FAT4: variants seen among roughly 807,000 people sequenced by gnomAD.
FAT4 encodes the protein protocadherin Fat 4.
Under a neutral mutation model 303.9 loss-of-function variants are expected in FAT4, and 84 were observed. The observed-to-expected ratio is 0.28, with a 90% CI of 0.23 to 0.33. FAT4 has a LOEUF of 0.33. FAT4 is among the 10% of genes least tolerant of loss of function. FAT4 has a pLI of 1.00. For missense variants in FAT4, 6,005 were observed against 6,146.8 expected (o/e 0.98, Z 0.77); for synonymous variants, 2,307 against 2,298.8 (o/e 1.00, Z -0.10).
chr4:125,481,828 C>T, intron 16 of FAT4, 90 bp downstream of exon 16: 2 of 1,131,778 alleles, frequency 1.8e-6, no homozygotes, highest in Non-Finnish European at 2.6e-6. Context: ...CTGTCCTTTT[C>T]TTTACAACCC....
At chr4:125,324,484 C>A (rs1731078668) in intron 2 of FAT4, among the ~76,000 whole-genome samples, 1 of 152,018 alleles carries the variant, frequency 6.6e-6, no homozygotes, top group African/African-American at 2.4e-5. Context: ...AATAAATCAC[C>A]AGAGAAAAGC....
At chr4:125,483,302 A>AAAT (rs1727292351) in intron 16 of FAT4, among the ~76,000 whole-genome samples, 1 of 152,198 alleles carries the variant, frequency 6.6e-6, no homozygotes. Context: ...GCAAAAAAAG[A>AAAT]AATAGATCCT....
chr4:125,362,062 T>G (rs1342309397), intron 2 of FAT4, among the ~76,000 whole-genome samples: 5 of 152,172 alleles, frequency 3.3e-5, no homozygotes, highest in African/African-American at 9.7e-5. Flanking sequence ...TATACTCAAT[T>G]GCCATTTCAG....
Position 125,452,421 on chromosome 4 carries a change from A to C in FAT4, c.11411A>C (p.Asp3804Ala). The C allele has an allele frequency of 6.2e-7, 1 of 1,614,132 alleles. No homozygotes were observed. The highest frequency in any genetic ancestry group is 8.5e-7 in the Non-Finnish European group (1 of 1,180,032). ...RQSGVKVESV[D>A]HDSCVHGPCQ... is the part of the protein sequence containing the mutation. ...AGTGGAGTAAAGGTGGAATCTGTGGATCATGACTCCTGTGTGCATGGCCCA... is the reference window on the plus strand; with the variant it reads ...AGTGGAGTAAAGGTGGAATCTGTGGCTCATGACTCCTGTGTGCATGGCCCA... Residue 3804 changes from aspartate to alanine, a missense_variant, in exon 10 of 18, where the codon GAT (aspartate) becomes GCT (alanine). Coordinates refer to ENST00000394329, the MANE Select transcript of FAT4 (RefSeq NM_001291303.3).
intron 7 of FAT4, among the ~76,000 whole-genome samples, chr4:125,432,464 T>C (rs1176347879): frequency 1.3e-5 from 2 of 152,230 alleles, no homozygotes; most frequent in Non-Finnish European, 2.9e-5. Flanking sequence ...CTGTTATTGA[T>C]ATTTCTTTCA....
intron 2 of FAT4, among the ~76,000 whole-genome samples, chr4:125,358,395 A>G (rs1405666259): frequency 6.6e-6 from 1 of 152,052 alleles, no homozygotes; most frequent in East Asian, 1.9e-4. Context: ...AAATAGTTAT[A>G]CAACTCATCA....
At chr4:125,489,510 T>C (rs1727529562) in intron 17 of FAT4, among the ~76,000 whole-genome samples, 1 of 152,232 alleles carries the variant, frequency 6.6e-6, no homozygotes, top group African/African-American at 2.4e-5. Context: ...TATTTCATGT[T>C]CTTTACAAAT....
rs777464644 is a variant in FAT4 at position 125,448,594 on chromosome 4, A to G, written c.7584A>G (p.Gly2528=). 4 of 1,614,034 alleles carry G rather than the reference A, an allele frequency of 2.5e-6. No homozygotes were observed. The highest frequency in any genetic ancestry group is 3.4e-6 in the Non-Finnish European group (4 of 1,179,930). ...TGAGGGGAGCCATTATGGCCGCCGG[A>G]CCACTAAACGGAGCTTCAGAAGTGA... is the stretch of plus-strand genomic sequence containing the variant. The part of the protein sequence containing the change: ...DPLRGAIMAA[G]PLNGASEVTF... Residue 2528 remains glycine, a synonymous_variant, in exon 10 of 18, where the codon GGA becomes GGG. Coordinates refer to ENST00000394329, the MANE Select transcript of FAT4 (RefSeq NM_001291303.3).
At position 125,365,595 on chromosome 4, in the gene FAT4, G is replaced by T. The variant is rs533099018; in HGVS notation, c.5176-33189G>T. ...ATACTTGAGGATAGCAAGACTGGTT[G>T]CCAGGAGATTCATAGACTATTGCAG... On this transcript the variant is annotated intron_variant, in intron 2 of 17. Transcript: ENST00000394329. 7.2e-5 allele frequency among the ~76,000 whole-genome samples: 11 copies of T among 152,258 alleles called. No individual in the cohort carries two copies. In the East Asian group the frequency reaches 1.7e-3, roughly 24 times the overall value.
chr4:125,482,434 C>A (rs1472500350), intron 16 of FAT4, among the ~76,000 whole-genome samples: 1 of 151,990 alleles, frequency 6.6e-6, no homozygotes, highest in African/African-American at 2.4e-5. Flanking sequence ...CATTAGATAT[C>A]CATTTTTGCA....
chr4:125,380,621 C>T (rs1733503613), intron 2 of FAT4, among the ~76,000 whole-genome samples: 1 of 152,146 alleles, frequency 6.6e-6, no homozygotes, highest in African/African-American at 2.4e-5. Context: ...AAAACAATCA[C>T]AGGTTTTGAA....
chr4:125,329,420 A>G (rs1731287382), intron 2 of FAT4, among the ~76,000 whole-genome samples: 1 of 152,192 alleles, frequency 6.6e-6, no homozygotes, highest in African/African-American at 2.4e-5. Flanking sequence ...CTTCCGAGTC[A>G]TCATATTCTG....
intron 2 of FAT4, among the ~76,000 whole-genome samples, chr4:125,366,557 T>C (rs1036420134): frequency 1.4e-4 from 22 of 152,112 alleles, no homozygotes; most frequent in African/African-American, 4.6e-4. Flanking sequence ...AGTGTTGCAA[T>C]GAACATAACA....
At position 125,463,655 on chromosome 4, in the gene FAT4, C is replaced by T. The variant is rs777164236; in HGVS notation, c.11893C>T (p.His3965Tyr). The T allele has an allele frequency of 1.3e-6, 2 of 1,571,076 alleles. No individual in the cohort carries two copies. Among genetic ancestry groups the T allele is most frequent in the Admixed American group, 1.7e-5 (1 of 57,714 alleles). ...AAGTGGTGTGGATTCTTATTATTGTCATTGTCCATTTGGTGAGTAAAACTT... is the reference window on the plus strand; with the variant it reads ...AAGTGGTGTGGATTCTTATTATTGTTATTGTCCATTTGGTGAGTAAAACTT... Reference protein sequence around the residue: ...CQSGVDSYYCHCPFGVFGKHC... With the variant: ...CQSGVDSYYCYCPFGVFGKHC... Residue 3965 changes from histidine to tyrosine, a missense_variant, in exon 11 of 18, where the codon CAT (histidine) becomes TAT (tyrosine). Transcript: ENST00000394329.
chr4:125,483,750 A>T (rs928355523), intron 16 of FAT4, among the ~76,000 whole-genome samples: 8 of 152,100 alleles, frequency 5.3e-5, no homozygotes, highest in African/African-American at 1.9e-4. Flanking sequence ...AGGTAAAGAG[A>T]ATAGGTAAGA....
intron 7 of FAT4, among the ~76,000 whole-genome samples, chr4:125,430,201 A>G (rs1388668562): frequency 6.6e-6 from 1 of 151,984 alleles, no homozygotes; most frequent in African/African-American, 2.4e-5. Context: ...GAAAAGCAAC[A>G]ACAAAAACAC....
At chr4:125,384,628 C>T (rs1223067503) in intron 2 of FAT4, among the ~76,000 whole-genome samples, 1 of 151,872 alleles carries the variant, frequency 6.6e-6, no homozygotes, top group Non-Finnish European at 1.5e-5. Flanking sequence ...TAATAATGTC[C>T]TTCAAAGCAA....
intron 14 of FAT4, among the ~76,000 whole-genome samples, 153 bp from the exon 15 acceptor site, chr4:125,479,587 TG>T (rs1727151207): frequency 6.6e-6 from 1 of 152,214 alleles, no homozygotes; most frequent in Non-Finnish European, 1.5e-5. Context: ...GGAAAACTTC[TG>T]GTTTGATTAG....
intron 2 of FAT4, among the ~76,000 whole-genome samples, chr4:125,340,363 G>T (rs1208108237): frequency 2.0e-5 from 3 of 149,982 alleles, no homozygotes; most frequent in Non-Finnish European, 4.4e-5. Context: ...CAAATGTCTC[G>T]TAGAGCACAT....
Sources: allele counts gnomAD v4.1 joint callset (sites outside exome capture counted in the v4.1 genomes callset), GRCh38; gene constraint gnomAD v4.1.1; transcripts MANE v1.5; gene names NCBI Gene and HGNC (gene_info 2026-07-23, HGNC 2026-07-21).